The following LSAMP variants were observed in gnomAD, a reference collection of about 807,000 sequenced individuals.
LSAMP encodes limbic system-associated membrane protein.
Under a neutral mutation model 38.6 loss-of-function variants are expected in LSAMP, and 7 were observed. The ratio of observed to expected loss-of-function variants is 0.18; its 90% CI spans 0.10 to 0.34. The LOEUF (loss-of-function observed/expected upper bound fraction) is 0.34, where lower values mean the gene tolerates loss of function less well. Among genes scored for constraint, LSAMP ranks in the 10% least tolerant of loss-of-function variants. The probability of loss-of-function intolerance (pLI) is 1.00; values close to 1 mark genes in which losing one functional copy is unlikely to be tolerated. For missense variants in LSAMP, 313 were observed against 420.0 expected (o/e 0.75, Z 2.23); for synonymous variants, 154 against 166.8 (o/e 0.92, Z 0.59).
intron 1 of LSAMP, among the ~76,000 whole-genome samples, chr3:116,188,960 T>G (rs1710690265): frequency 6.6e-6 from 1 of 152,234 alleles, no homozygotes; most frequent in Non-Finnish European, 1.5e-5. Flanking sequence ...GTCATGCATT[T>G]TATTCATTAA....
At chr3:116,393,874 AT>A (rs2048735439) in intron 1 of LSAMP, among the ~76,000 whole-genome samples, 1 of 152,354 alleles carries the variant, frequency 6.6e-6, no homozygotes, top group African/African-American at 2.4e-5. Flanking sequence ...GGCATTAAGA[AT>A]AGATGAGATT....
chr3:116,110,562 G>A (rs1708582522), intron 1 of LSAMP, among the ~76,000 whole-genome samples: 1 of 152,190 alleles, frequency 6.6e-6, no homozygotes, highest in African/African-American at 2.4e-5. Context: ...AGAGAAGGGA[G>A]AGATTGAAGT....
chr3:115,808,197 CTTCT>C lies in LSAMP; in HGVS notation c.*2116_*2119del, dbSNP rs1933689754. On this transcript the variant is annotated 3_prime_UTR_variant, in exon 7 of 7. Coordinates refer to ENST00000490035, the MANE Select transcript of LSAMP (RefSeq NM_002338.5). ...CCTGCCTTCCTTCCTTCCTTCCTTC[CTTCT>C]TTCCTTTCTTTTTTTCCAGTTACAA... 1 of 133,714 alleles carries C rather than the reference CTTCT, an allele frequency of 7.5e-6. No individual in the cohort carries two copies. The highest frequency in any genetic ancestry group is 7.7e-5 in the Admixed American group (1 of 13,014). 8.3% of individuals were successfully genotyped at this position (133,714 alleles called of 1,614,324 possible).
chr3:115,882,125 A>G (rs535204356), intron 3 of LSAMP, among the ~76,000 whole-genome samples: 2 of 152,224 alleles, frequency 1.3e-5, no homozygotes, highest in East Asian at 3.9e-4. Flanking sequence ...GAGTTTTCCT[A>G]AGGCAATATT....
intron 6 of LSAMP, among the ~76,000 whole-genome samples, chr3:115,833,593 T>C (rs1202420253): frequency 6.6e-6 from 1 of 152,082 alleles, no homozygotes; most frequent in Non-Finnish European, 1.5e-5. Flanking sequence ...TTTGCAAGAG[T>C]TTATAGTTTG....
chr3:116,125,661 T>C (rs1038865345), intron 1 of LSAMP, among the ~76,000 whole-genome samples: 1 of 152,190 alleles, frequency 6.6e-6, no homozygotes, highest in Non-Finnish European at 1.5e-5. Context: ...GAAGAACACT[T>C]TGTAAACTGG....
At chr3:116,097,732 A>G (rs1489662593) in intron 1 of LSAMP, among the ~76,000 whole-genome samples, 1 of 151,820 alleles carries the variant, frequency 6.6e-6, no homozygotes, top group Non-Finnish European at 1.5e-5. Context: ...GAGCAAAAGA[A>G]GTCTTTTTTT....
intron 6 of LSAMP, among the ~76,000 whole-genome samples, chr3:115,822,423 C>T (rs543935464): frequency 4.0e-5 from 6 of 148,392 alleles, no homozygotes; most frequent in Admixed American, 6.8e-5. Flanking sequence ...TGCAATGGCC[C>T]GATCTCGGCC....
chr3:116,095,632 A>T (rs1459300959), intron 1 of LSAMP, among the ~76,000 whole-genome samples: 3 of 152,196 alleles, frequency 2.0e-5, no homozygotes, highest in Non-Finnish European at 4.4e-5. Context: ...ATAAGACACA[A>T]ATTCTAAAAA....
chr3:116,058,752 A>G (rs1941536903), intron 2 of LSAMP, among the ~76,000 whole-genome samples: 1 of 152,172 alleles, frequency 6.6e-6, no homozygotes, highest in Admixed American at 6.5e-5. Flanking sequence ...AATTCAGAAC[A>G]CTTTAGGAAT....
intron 1 of LSAMP, among the ~76,000 whole-genome samples, chr3:116,415,304 T>C (rs1014801786): frequency 6.6e-6 from 1 of 152,096 alleles, no homozygotes; most frequent in African/African-American, 2.4e-5. Flanking sequence ...TAGTGATTCA[T>C]AGACTTGTTC....
intron 1 of LSAMP, among the ~76,000 whole-genome samples, chr3:116,358,621 G>C (rs142639436): frequency 6.6e-6 from 1 of 151,912 alleles, no homozygotes; most frequent in Non-Finnish European, 1.5e-5. Flanking sequence ...AAAATCCACC[G>C]ATCGAAATGC....
intron 1 of LSAMP, among the ~76,000 whole-genome samples, chr3:116,276,649 T>C (rs1430626083): frequency 1.4e-5 from 2 of 144,716 alleles, no homozygotes; most frequent in African/African-American, 5.2e-5. Context: ...AAATACCACC[T>C]GTACCCCAAT....
rs566984193 is a variant in LSAMP at position 116,315,787 on chromosome 3, T to A, written c.155+129090A>T. On this transcript the variant is annotated intron_variant, in intron 1 of 6. Transcript: ENST00000490035. ...TGTACTATTATTATCTCAGTTTTAC[T>A]GAAGATAAAATAGAAGCATGGCACC... Among the ~76,000 whole-genome samples, 14 of 152,312 alleles carry A rather than the reference T, an allele frequency of 9.2e-5. No individual in the cohort carries two copies. In the South Asian group the frequency reaches 2.7e-3, roughly 29 times the overall value.
intron 1 of LSAMP, among the ~76,000 whole-genome samples, chr3:116,375,660 T>G (rs2048485144): frequency 6.6e-6 from 1 of 151,888 alleles, no homozygotes; most frequent in Non-Finnish European, 1.5e-5. Context: ...CAATGATAGA[T>G]TTTATTTGTA....
chr3:116,259,155 A>G (rs1038061532), intron 1 of LSAMP, among the ~76,000 whole-genome samples: 24 of 152,166 alleles, frequency 1.6e-4, no homozygotes, highest in Admixed American at 1.4e-3. Context: ...CTCTGCAGTC[A>G]GCTGTTAGAT....
At chr3:116,086,256 T>C in intron 2 of LSAMP, 68 bp downstream of exon 2, 2 of 1,193,702 alleles carry the variant, frequency 1.7e-6, no homozygotes, top group Middle Eastern at 3.9e-4. Flanking sequence ...TCTGCAAATA[T>C]TTTGTACATT....
intron 1 of LSAMP, among the ~76,000 whole-genome samples, chr3:116,257,212 T>C (rs2107654571): frequency 6.6e-6 from 1 of 152,350 alleles, no homozygotes; most frequent in South Asian, 2.1e-4. Context: ...AGGGAAATTT[T>C]ACTGACTAAT....
At chr3:116,249,743 T>C (rs373882274) in intron 1 of LSAMP, among the ~76,000 whole-genome samples, 46 of 152,002 alleles carry the variant, frequency 3.0e-4, no homozygotes, top group African/African-American at 1.1e-3. Flanking sequence ...TCCCGAAAAA[T>C]TAGTATTTTC....
Sources: allele counts gnomAD v4.1 joint callset (sites outside exome capture counted in the v4.1 genomes callset), GRCh38; gene constraint gnomAD v4.1.1; transcripts MANE v1.5; gene names NCBI Gene and HGNC (gene_info 2026-07-23, HGNC 2026-07-21).